Variants in BACE2 observed in about 807,000 individuals in gnomAD.
The protein encoded by BACE2 is 56 kDa aspartic-like protease.
Under a neutral mutation model 46.2 loss-of-function variants are expected in BACE2, and 17 were observed. The observed-to-expected ratio is 0.37, with a 90% confidence interval of 0.25 to 0.55. BACE2 has a LOEUF of 0.55. Among genes scored for constraint, BACE2 ranks in the 20% least tolerant of loss-of-function variants. BACE2 has a pLI of 0.82. For synonymous variants in BACE2, 277 were observed against 295.9 expected, an observed-to-expected ratio of 0.94 and a Z score of 0.66; for missense variants, 595 against 698.1, an observed-to-expected ratio of 0.85 and a Z score of 1.66.
chr21:41,259,168 C>T (rs1471101428), intron 8 of BACE2, among the ~76,000 whole-genome samples: 2 of 152,178 alleles, frequency 1.3e-5, no homozygotes, highest in African/African-American at 4.8e-5. Context: ...TTAGGCGTCT[C>T]TAGGCAGGGC....
At chr21:41,238,692 C>G (rs935540522) in intron 3 of BACE2, among the ~76,000 whole-genome samples, 3 of 151,154 alleles carry the variant, frequency 2.0e-5, no homozygotes, top group South Asian at 2.1e-4. Flanking sequence ...TCTCAGTAAA[C>G]TATCACAAGA....
chr21:41,275,488 C>T lies in BACE2; in HGVS notation c.1421C>T (p.Ala474Val), dbSNP rs559873325. The change falls in exon 9 of 9, where the codon GCG (alanine) becomes GTG (valine). Residue 474 changes from alanine to valine, a missense_variant. This residue lies in a region of BACE2 where 343 missense variants were observed against 419.4 expected (regional missense o/e 0.82). Coordinates refer to ENST00000330333, the MANE Select transcript of BACE2 (RefSeq NM_012105.5). Reference sequence around the variant, plus strand: ...CCCATTTTGTGGATTGTGTCCTATGCGCTCATGAGCGTCTGTGGAGCCATC... The same window carrying T: ...CCCATTTTGTGGATTGTGTCCTATGTGCTCATGAGCGTCTGTGGAGCCATC... ...SEPILWIVSY[A>V]LMSVCGAILL... The T allele has an allele frequency of 1.3e-5, 21 of 1,614,116 alleles. No homozygotes were observed. The highest frequency in any genetic ancestry group is 1.6e-4 in the Middle Eastern group (1 of 6,062).
intron 1 of BACE2, among the ~76,000 whole-genome samples, chr21:41,220,225 C>T (rs1157275222): frequency 2.6e-5 from 4 of 152,178 alleles, no homozygotes; most frequent in Non-Finnish European, 5.9e-5. Flanking sequence ...CCCCTGTACA[C>T]GCCACCCTCC....
intron 1 of BACE2, among the ~76,000 whole-genome samples, chr21:41,215,083 C>G (rs778171760): frequency 6.6e-6 from 1 of 152,024 alleles, no homozygotes; most frequent in Non-Finnish European, 1.5e-5. Flanking sequence ...GGGCCTGGAG[C>G]ACGGGAGGTC....
intron 6 of BACE2, among the ~76,000 whole-genome samples, chr21:41,248,764 C>T (rs919340591): frequency 5.3e-5 from 8 of 152,214 alleles, no homozygotes; most frequent in African/African-American, 7.2e-5. Context: ...TTACGTGGCA[C>T]GTACCACCCC....
At chr21:41,267,349 G>C (rs1362662925) in intron 8 of BACE2, among the ~76,000 whole-genome samples, 2 of 152,168 alleles carry the variant, frequency 1.3e-5, no homozygotes, top group East Asian at 3.9e-4. Flanking sequence ...AACCACCTCT[G>C]TGTTGCTGGG....
In BACE2 at chr21:41,280,901, C is replaced by G. The variant is rs1161303289; in HGVS notation, c.*5277C>G. On this transcript the variant is annotated 3_prime_UTR_variant, in exon 9 of 9. Coordinates refer to ENST00000330333, the MANE Select transcript of BACE2 (RefSeq NM_012105.5). ...ATCACACTTGTGTGCTTAAAAAGCA[C>G]ACCGTGGGTAGTGACTGGGCCAAGA... 6.6e-6 allele frequency: 1 copy of G among 152,266 alleles called. No individual in the cohort carries two copies. The highest frequency in any genetic ancestry group is 2.4e-5 in the African/African-American group (1 of 41,466). The allele number at this position is 152,266 out of a possible 1,614,324, so 9.4% of individuals were successfully genotyped here.
intron 1 of BACE2, among the ~76,000 whole-genome samples, chr21:41,192,662 C>T (rs1036244839): frequency 1.3e-5 from 2 of 152,216 alleles, no homozygotes; most frequent in African/African-American, 2.4e-5. Context: ...CTGCCACTGA[C>T]ACCTCAAGCA....
rs1302205619 is a variant in BACE2 at position 41,277,572 on chromosome 21, T to C, written c.*1948T>C. 1 of 152,204 alleles carries C rather than the reference T, an allele frequency of 6.6e-6. No homozygotes were observed. Among genetic ancestry groups the C allele is most frequent in the East Asian group, 1.9e-4 (1 of 5,190 alleles). 9.4% of individuals were successfully genotyped at this position (152,204 alleles called of 1,614,324 possible). On this transcript the variant is annotated 3_prime_UTR_variant, in exon 9 of 9. Coordinates refer to ENST00000330333, the MANE Select transcript of BACE2 (RefSeq NM_012105.5). Reference sequence around the variant, plus strand: ...TGCACAGGAGTGAAGCCAACACCCCTAGATTGTGCCTTCACCCTTGCTGTG... The same window carrying C: ...TGCACAGGAGTGAAGCCAACACCCCCAGATTGTGCCTTCACCCTTGCTGTG...
chr21:41,238,671 G>A (rs1305703586), intron 3 of BACE2, among the ~76,000 whole-genome samples: 1 of 151,802 alleles, frequency 6.6e-6, no homozygotes, highest in Non-Finnish European at 1.5e-5. Context: ...GATGAAATTG[G>A]AAATCATCAT....
rs549761868 is a variant in BACE2 at position 41,278,848 on chromosome 21, A to G, written c.*3224A>G. On this transcript the variant is annotated 3_prime_UTR_variant, in exon 9 of 9. Transcript: ENST00000330333. ...TGCCACTCGATATCATTGGGAATAA[A>G]TCGTTGTTCAACAGTCTGTTCCACA... 7 of 152,292 alleles carry G rather than the reference A, an allele frequency of 4.6e-5. No individual in the cohort carries two copies. Among genetic ancestry groups the G allele is most frequent in the African/African-American group, 1.2e-4 (5 of 41,556 alleles). The allele number at this position is 152,292 out of a possible 1,614,324, so 9.4% of individuals were successfully genotyped here.
intron 8 of BACE2, among the ~76,000 whole-genome samples, chr21:41,268,425 C>T (rs1483656310): frequency 6.6e-6 from 1 of 152,156 alleles, no homozygotes; most frequent in Admixed American, 6.5e-5. Flanking sequence ...ATGCAGAGAC[C>T]ATGCAGTGAA....
intron 3 of BACE2, among the ~76,000 whole-genome samples, chr21:41,240,952 C>T (rs1601298374): frequency 6.6e-6 from 1 of 152,326 alleles, no homozygotes; most frequent in African/African-American, 2.4e-5. Context: ...ATGCCTATAG[C>T]GTCTGTGCTA....
intron 8 of BACE2, among the ~76,000 whole-genome samples, chr21:41,260,932 T>A (rs1037911358): frequency 6.6e-6 from 1 of 152,216 alleles, no homozygotes; most frequent in Non-Finnish European, 1.5e-5. Flanking sequence ...TGTGGTAGTG[T>A]GTATCCTTTG....
rs185479259 is a variant in BACE2 at position 41,243,520 on chromosome 21, C to T, written c.882+10C>T. On this transcript the variant is annotated intron_variant, in intron 5 of 8. Coordinates refer to ENST00000330333, the MANE Select transcript of BACE2 (RefSeq NM_012105.5). ...TCTGGACTGCAGAGAGGTATTTATG[C>T]TATGGTCTCTGTTGTGTCTTTCTGT... 1.7e-4 allele frequency: 267 copies of T among 1,603,346 alleles called. 1 individual carries two copies. The African/African-American group carries it at 3.4e-3, about 20-fold the overall frequency.
intron 1 of BACE2, among the ~76,000 whole-genome samples, chr21:41,172,608 T>TTTA (rs1984646070): frequency 6.6e-6 from 1 of 152,296 alleles, no homozygotes; most frequent in South Asian, 2.1e-4. Flanking sequence ...GGTGCAGTGT[T>TTTA]TTAGTTACAG....
At chr21:41,169,615 C>T (rs951670795) in intron 1 of BACE2, among the ~76,000 whole-genome samples, 7 of 152,070 alleles carry the variant, frequency 4.6e-5, no homozygotes, top group Admixed American at 3.9e-4. Flanking sequence ...ATGATTCCCC[C>T]ATAAATAGAA....
intron 1 of BACE2, among the ~76,000 whole-genome samples, chr21:41,203,333 T>G (rs1986019707): frequency 6.7e-6 from 1 of 149,040 alleles, no homozygotes. Flanking sequence ...AAAGGAGGGG[T>G]GGGAGAGCAA....
intron 4 of BACE2, among the ~76,000 whole-genome samples, chr21:41,242,606 A>G (rs1169362484): frequency 6.6e-6 from 1 of 152,194 alleles, no homozygotes; most frequent in East Asian, 1.9e-4. Context: ...ATTTCCAGGC[A>G]GAGGACAGCA....
Sources: allele counts gnomAD v4.1 joint callset (sites outside exome capture counted in the v4.1 genomes callset), GRCh38; gene constraint gnomAD v4.1.1; regional missense constraint gnomAD v4.1.1; transcripts MANE v1.5; gene names NCBI Gene and HGNC (gene_info 2026-07-23, HGNC 2026-07-21).